The following PTGER3 variants were observed in gnomAD, a reference collection of about 807,000 sequenced individuals.
PTGER3 encodes the protein prostaglandin E2 receptor EP3 subtype.
Under a neutral mutation model 34.7 loss-of-function variants are expected in PTGER3, and 22 were observed. That is an observed-to-expected ratio of 0.63 (90% CI 0.45 to 0.91). The LOEUF is 0.91. PTGER3 is among the 40% of genes least tolerant of loss of function. The probability of loss-of-function intolerance (pLI) is 0.00; values close to 1 mark genes in which losing one functional copy is unlikely to be tolerated. For missense variants in PTGER3, 468 were observed against 519.4 expected (o/e 0.90, Z 0.96); for synonymous variants, 241 against 230.1 (o/e 1.05, Z -0.43).
chr1:70,940,645 C>T (rs904623303), intron 4 of PTGER3, among the ~76,000 whole-genome samples: 6 of 152,096 alleles, frequency 3.9e-5, no homozygotes, highest in African/African-American at 1.4e-4. Context: ...CACTGATAAA[C>T]CCATCAGATC....
At chr1:70,865,296 C>T (rs1419483911) in intron 4 of PTGER3, among the ~76,000 whole-genome samples, 1 of 151,858 alleles carries the variant, frequency 6.6e-6, no homozygotes, top group African/African-American at 2.4e-5. Context: ...GGGATATGAT[C>T]CAAAATCAGA....
chr1:71,027,223 A>G (rs1464208840), intron 1 of PTGER3, among the ~76,000 whole-genome samples: 1 of 152,052 alleles, frequency 6.6e-6, no homozygotes, highest in Non-Finnish European at 1.5e-5. Context: ...GAGTGCAGTA[A>G]TGCCATCATA....
rs1318231714 is a variant in PTGER3 at position 70,921,385 on chromosome 1, TTCTC to T, written c.*23+32374_*23+32377del. ...ATCTTGCCTCAGGCAATGCTTTTCT[TTCTC>T]TCTCTCTGCAAACCTGTCGAATGAA... On this transcript the variant is annotated intron_variant, in intron 4 of 4. Transcript: ENST00000370931. Among the ~76,000 whole-genome samples, 11 of 152,226 alleles carry T rather than the reference TTCTC, an allele frequency of 7.2e-5. No homozygotes were observed. The East Asian group carries it at 2.1e-3, about 29-fold the overall frequency.
intron 4 of PTGER3, among the ~76,000 whole-genome samples, chr1:70,889,367 A>G (rs1469574525): frequency 6.8e-6 from 1 of 147,130 alleles, no homozygotes; most frequent in Non-Finnish European, 1.5e-5. Context: ...GTGAGCCGAG[A>G]TCACGCCACT....
intron 2 of PTGER3, chr1:71,006,934 G>A: frequency 1.0e-6 from 1 of 985,412 alleles, no homozygotes; most frequent in African/African-American, 1.7e-5. Context: ...ACACAGACTA[G>A]CCATGACTTG....
chr1:70,859,125 C>T lies in PTGER3; in HGVS notation c.*24-6266G>A, dbSNP rs115716379. Among the ~76,000 whole-genome samples, 390 of 152,266 alleles carry T rather than the reference C, an allele frequency of 2.6e-3. 2 individuals carry two copies. Among genetic ancestry groups the T allele is most frequent in the Non-Finnish European group, 4.6e-3 (310 of 68,020 alleles). On this transcript the variant is annotated intron_variant, in intron 4 of 4. Transcript: ENST00000370931. ...GGCTGCCTTTGCTGCTTCTCACTGT[C>T]CCCCACTTTCTCTGCAGTGCCCACT... is the stretch of plus-strand genomic sequence containing the variant.
intron 2 of PTGER3, chr1:71,007,174 C>T (rs1352818900): frequency 1.0e-6 from 1 of 985,640 alleles, no homozygotes; most frequent in African/African-American, 1.7e-5. Flanking sequence ...TGATACTGAT[C>T]TTTACAATAT....
At chr1:70,985,325 C>T (rs7515196) in intron 2 of PTGER3, among the ~76,000 whole-genome samples, 3,348 of 152,250 alleles carry the variant, frequency 0.022, 73 homozygotes, top group Non-Finnish European at 0.036. Context: ...TCCAGCCTCC[C>T]TGAAGTCTCC....
chr1:70,949,981 A>G (rs547226868), downstream of PTGER3, among the ~76,000 whole-genome samples: 7 of 90,532 alleles, frequency 7.7e-5, no homozygotes, highest in East Asian at 4.2e-4. Context: ...TGTGGGACAT[A>G]ACAAATCTAA....
intron 4 of PTGER3, among the ~76,000 whole-genome samples, chr1:70,932,023 AGTCAT>A (rs1557664920): frequency 6.6e-6 from 1 of 152,164 alleles, no homozygotes; most frequent in Admixed American, 6.5e-5. Context: ...ACAGCACCCA[AGTCAT>A]GTCTTGAATG....
chr1:70,976,811 G>A (rs1653752085), intron 2 of PTGER3, among the ~76,000 whole-genome samples: 1 of 152,082 alleles, frequency 6.6e-6, no homozygotes, highest in Admixed American at 6.6e-5. Flanking sequence ...AGGATAAGCA[G>A]GTACTAACGA....
At chr1:70,981,912 GC>G (rs1420675451) in intron 2 of PTGER3, among the ~76,000 whole-genome samples, 1 of 151,916 alleles carries the variant, frequency 6.6e-6, no homozygotes, top group Non-Finnish European at 1.5e-5. Flanking sequence ...CCTCCATGCT[GC>G]CCCCACAGTT....
chr1:71,012,574 A>G, intron 1 of PTGER3, 90 bp from the exon 2 acceptor site: 1 of 1,143,516 alleles, frequency 8.7e-7, no homozygotes, highest in Non-Finnish European at 1.2e-6. Context: ...TTGGTTTTCA[A>G]TAAATTGGTT....
intron 3 of PTGER3, among the ~76,000 whole-genome samples, chr1:70,973,621 AGAG>A (rs1160252532): frequency 6.6e-6 from 1 of 152,180 alleles, no homozygotes; most frequent in Non-Finnish European, 1.5e-5. Flanking sequence ...GCTAAAATGA[AGAG>A]TTCAACTCAT....
chr1:70,998,997 C>T lies in PTGER3; in HGVS notation c.1077+13308G>A, dbSNP rs181923172. Among the ~76,000 whole-genome samples, 332 of 152,076 alleles carry T rather than the reference C, an allele frequency of 2.2e-3. 4 individuals carry two copies. The highest frequency in any genetic ancestry group is 7.6e-3 in the African/African-American group (313 of 41,384). The stretch of plus-strand genomic sequence containing the variant: ...GAGATCGAGACCATCGTGGCTAACA[C>T]GGTGAAACCCCTTCTCTACCAAAAA... On this transcript the variant is annotated intron_variant, in intron 2 of 3. Transcript: ENST00000306666.
At chr1:71,038,052 G>A (rs1208230323) in intron 1 of PTGER3, among the ~76,000 whole-genome samples, 1 of 152,160 alleles carries the variant, frequency 6.6e-6, no homozygotes, top group Non-Finnish European at 1.5e-5. Context: ...AGCAATTAGT[G>A]CTCCACTTTA....
chr1:71,017,474 A>G (rs2268058), intron 1 of PTGER3, among the ~76,000 whole-genome samples: 50,335 of 151,966 alleles, frequency 0.33, 9,051 homozygotes, highest in South Asian at 0.45. Flanking sequence ...CTCTTAAGCC[A>G]CTGATATGGT....
chr1:70,936,041 A>T (rs1385274585), intron 4 of PTGER3, among the ~76,000 whole-genome samples: 1 of 152,202 alleles, frequency 6.6e-6, no homozygotes, highest in East Asian at 1.9e-4. Context: ...GAAGTATGAA[A>T]AACATCTAGT....
chr1:70,987,818 TAAATC>T (rs947289369), intron 2 of PTGER3, among the ~76,000 whole-genome samples: 2 of 152,338 alleles, frequency 1.3e-5, no homozygotes, highest in African/African-American at 4.8e-5. Flanking sequence ...ATCCGATAAA[TAAATC>T]CAACTGACTA....
Sources: allele counts gnomAD v4.1 joint callset (sites outside exome capture counted in the v4.1 genomes callset), GRCh38; gene constraint gnomAD v4.1.1; transcripts MANE v1.5; gene names NCBI Gene and HGNC (gene_info 2026-07-23, HGNC 2026-07-21).